Variants in FOXP1 observed in about 807,000 individuals in gnomAD.
FOXP1 encodes the protein forkhead box P1.
FOXP1 carries 15 observed loss-of-function variants against 98.2 expected under a neutral mutation model. That is an observed-to-expected ratio of 0.15 (90% CI 0.10 to 0.24). The LOEUF (loss-of-function observed/expected upper bound fraction) is 0.24. Ranked by LOEUF, FOXP1 falls within the 10% of genes least tolerant of loss-of-function variation. The pLI, the probability that FOXP1 is intolerant of heterozygous loss-of-function variation, is 1.00. For synonymous variants in FOXP1, 371 were observed against 314.5 expected (o/e 1.18, Z -1.90); for missense variants, 633 against 848.5 (o/e 0.75, Z 3.15).
intron 4 of FOXP1, among the ~76,000 whole-genome samples, chr3:71,312,108 C>A (rs1403211437): frequency 1.3e-5 from 2 of 152,192 alleles, no homozygotes; most frequent in Non-Finnish European, 2.9e-5. Context: ...TCCCCTGAGT[C>A]CACCAAGGGC....
Position 71,506,055 on chromosome 3 carries a change from G to A in FOXP1, c.-297-12500C>T, listed in dbSNP as rs546801142. Among the ~76,000 whole-genome samples the A allele has an allele frequency of 5.3e-5, 8 of 152,308 alleles. No homozygotes were observed. The East Asian group carries it at 5.8e-4, about 11-fold the overall frequency. On this transcript the variant is annotated intron_variant, in intron 2 of 20. Transcript: ENST00000649528. ...AGACAACAATAAGAGCCTTGTCACC[G>A]GGAGTACATGATTAATTGCCAGATG...
chr3:71,398,158 A>G (rs1560427331), intron 3 of FOXP1, among the ~76,000 whole-genome samples: 1 of 152,238 alleles, frequency 6.6e-6, no homozygotes, highest in African/African-American at 2.4e-5. Flanking sequence ...GTGTGTGCAA[A>G]TAATGCTAAA....
At chr3:71,489,972 A>C (rs900124001) in intron 3 of FOXP1, among the ~76,000 whole-genome samples, 2 of 152,148 alleles carry the variant, frequency 1.3e-5, no homozygotes, top group African/African-American at 4.8e-5. Flanking sequence ...CACTTCACTC[A>C]GAATTAGAGT....
chr3:71,112,732 G>A, intron 6 of FOXP1, 95 bp from the exon 7 acceptor site: 1 of 870,214 alleles, frequency 1.1e-6, no homozygotes, highest in Non-Finnish European at 1.9e-6. Context: ...TTGGGACTGG[G>A]TCCTGACTTT....
At chr3:71,153,441 T>C (rs1560030552) in intron 6 of FOXP1, among the ~76,000 whole-genome samples, 1 of 151,722 alleles carries the variant, frequency 6.6e-6, no homozygotes. Flanking sequence ...CAAGCACATT[T>C]CAACTTTCTA....
At position 70,959,262 on chromosome 3, in the gene FOXP1, G is replaced by C; in HGVS notation, c.2019C>G (p.Asn673Lys). ...HDRDYEDEPV[N>K]EDME ...GCCCCGATAGTCACTCCATGTCCTCGTTTACTGGTTCATCTTCGTAATCTC... is the reference window on the plus strand; with the variant it reads ...GCCCCGATAGTCACTCCATGTCCTCCTTTACTGGTTCATCTTCGTAATCTC... The change falls in exon 21 of 21, where the codon AAC (asparagine) becomes AAG (lysine). Residue 673 changes from asparagine to lysine, a missense_variant. Physicochemically the swap from Asn to Lys is moderately conservative, Grantham distance 94. This residue lies in a region of FOXP1 where 150 missense variants were observed against 163.7 expected (regional missense o/e 0.92). Transcript: ENST00000649528. 6.2e-7 allele frequency: 1 copy of C among 1,612,320 alleles called. No individual in the cohort carries two copies. The highest frequency in any genetic ancestry group is 8.5e-7 in the Non-Finnish European group (1 of 1,179,834).
At chr3:71,144,087 T>A (rs915763141) in intron 6 of FOXP1, among the ~76,000 whole-genome samples, 1 of 152,186 alleles carries the variant, frequency 6.6e-6, no homozygotes, top group Non-Finnish European at 1.5e-5. Flanking sequence ...GGCTTACTGC[T>A]TTTTAAGAAG....
At chr3:71,176,985 C>A (rs536076627) in intron 6 of FOXP1, among the ~76,000 whole-genome samples, 1 of 151,844 alleles carries the variant, frequency 6.6e-6, no homozygotes, top group South Asian at 2.1e-4. Context: ...ATCAATGGAA[C>A]CTGGGAGGCG....
intron 3 of FOXP1, among the ~76,000 whole-genome samples, chr3:71,487,845 C>T (rs2090774135): frequency 6.6e-6 from 1 of 152,136 alleles, no homozygotes; most frequent in Non-Finnish European, 1.5e-5. Flanking sequence ...TGCAGATTAC[C>T]TTTATTACAA....
At chr3:71,502,137 T>A (rs576790087) in intron 2 of FOXP1, among the ~76,000 whole-genome samples, 1 of 152,206 alleles carries the variant, frequency 6.6e-6, no homozygotes, top group African/African-American at 2.4e-5. Context: ...TTTTCACAAA[T>A]ACCTTCCACT....
At chr3:71,484,155 T>A (rs1453892100) in intron 3 of FOXP1, among the ~76,000 whole-genome samples, 1 of 152,144 alleles carries the variant, frequency 6.6e-6, no homozygotes. Context: ...AATATGCATA[T>A]CCATAGTCTG....
At position 70,959,288 on chromosome 3, in the gene FOXP1, T is replaced by C. The variant is rs1346362124; in HGVS notation, c.1993A>G (p.Arg665Gly). ...TTTACTGGTTCATCTTCGTAATCTC[T>C]GTCATGGTCAAAATCTGGACTGTGG... ...ANHSPDFDHD[R>G]DYEDEPVNED... The change falls in exon 21 of 21, where the codon AGA (arginine) becomes GGA (glycine). Residue 665 changes from arginine (R) to glycine (G), a missense_variant. Physicochemically the swap from Arg to Gly is moderately radical, Grantham distance 125. Coordinates refer to ENST00000649528, the MANE Select transcript of FOXP1 (RefSeq NM_001349338.3). 1 of 1,614,050 alleles carries C rather than the reference T, an allele frequency of 6.2e-7. No individual in the cohort carries two copies. The highest frequency in any genetic ancestry group is 2.2e-5 in the East Asian group (1 of 44,874).
intron 2 of FOXP1, among the ~76,000 whole-genome samples, chr3:71,539,039 A>C (rs1205828443): frequency 6.6e-6 from 1 of 150,918 alleles, no homozygotes; most frequent in Non-Finnish European, 1.5e-5. Flanking sequence ...GTATCTCCAT[A>C]CTTATTCTCG....
At chr3:70,968,872 T>G (rs2035555905) in intron 19 of FOXP1, 1 of 152,330 alleles carries the variant, frequency 6.6e-6, no homozygotes, top group South Asian at 2.1e-4. Context: ...TGTCTACTGA[T>G]CAGGGATCCA....
At chr3:71,003,915 T>C (rs571059121) in intron 12 of FOXP1, among the ~76,000 whole-genome samples, 2 of 152,202 alleles carry the variant, frequency 1.3e-5, no homozygotes, top group South Asian at 4.1e-4. Flanking sequence ...ACCATGTAGG[T>C]CACTGTCACT....
At chr3:71,328,001 T>G (rs892688396) in intron 4 of FOXP1, among the ~76,000 whole-genome samples, 2 of 152,218 alleles carry the variant, frequency 1.3e-5, no homozygotes, top group African/African-American at 4.8e-5. Context: ...TATTGTCATT[T>G]AAAACTACAC....
intron 3 of FOXP1, among the ~76,000 whole-genome samples, chr3:71,431,541 AT>A (rs1343578924): frequency 2.6e-5 from 4 of 152,118 alleles, no homozygotes; most frequent in African/African-American, 9.7e-5. Flanking sequence ...AGATCTGGTA[AT>A]TTTCCAGGGT....
Position 71,532,819 on chromosome 3 carries a change from G to C in FOXP1, c.-297-39264C>G, listed in dbSNP as rs114175819. On this transcript the variant is annotated intron_variant, in intron 2 of 20. Transcript: ENST00000649528. Reference sequence around the variant, plus strand: ...CGTAAGCAACAACTAAGTTTACACTGGCCACTCCAACCACATATCTAGCAA... The same window carrying C: ...CGTAAGCAACAACTAAGTTTACACTCGCCACTCCAACCACATATCTAGCAA... Among the ~76,000 whole-genome samples, 1,429 of 152,104 alleles carry C rather than the reference G, an allele frequency of 9.4e-3. 30 individuals carry two copies. Among genetic ancestry groups the C allele is most frequent in the African/African-American group, 0.033 (1,366 of 41,472 alleles).
At chr3:71,121,020 A>C (rs997929258) in intron 6 of FOXP1, among the ~76,000 whole-genome samples, 2 of 148,300 alleles carry the variant, frequency 1.3e-5, no homozygotes, top group African/African-American at 5.0e-5. Context: ...AAGATGGCAA[A>C]AAATTATATT....
Sources: gnomAD v4.1 joint callset for allele counts (sites outside exome capture counted in the v4.1 genomes callset) on GRCh38, gnomAD v4.1.1 for gene constraint, gnomAD v4.1.1 regional missense constraint, MANE v1.5 for transcripts, NCBI Gene and HGNC (gene_info 2026-07-23, HGNC 2026-07-21) for gene names.